The following CCDC196 variants were observed in gnomAD, a reference collection of about 807,000 sequenced individuals.
CCDC196 encodes the protein coiled-coil domain containing 196, also known as coiled-coil domain-containing protein 196.
In CCDC196 at chr14:66,486,381, A is replaced by C. The variant is rs2057398381; in HGVS notation, c.-122A>C. The C allele has an allele frequency of 1.0e-5, 4 of 397,376 alleles. No homozygotes were observed. The highest frequency in any genetic ancestry group is 1.8e-5 in the Non-Finnish European group (4 of 225,510). The allele number at this position is 397,376 out of a possible 1,614,324, so 24.6% of individuals were successfully genotyped here. ...GGCCATTGTGACCTCGCTGTAGCTA[A>C]GATCAGTCCACTGCAGCAGGAGTTT... is the stretch of plus-strand genomic sequence containing the variant. On this transcript the variant is annotated 5_prime_UTR_variant, in exon 1 of 10. Transcript: ENST00000636229.
chr14:66,494,731 CATACAGA>C (rs1594745443), intron 8 of CCDC196: 1 of 151,988 alleles, frequency 6.6e-6, no homozygotes, highest in East Asian at 1.9e-4. Context: ...ATTAGAAAGA[CATACAGA>C]ATTTTGGCCA....
In CCDC196 at chr14:66,487,082, G is replaced by A. The variant is rs886105796; in HGVS notation, c.203+273G>A. Among the ~76,000 whole-genome samples the A allele has an allele frequency of 7.2e-5, 11 of 152,122 alleles. 1 individual carries two copies. In the East Asian group the frequency reaches 1.5e-3, roughly 21 times the overall value. ...CTGCCCACCCAAGAAATAGTGAAAC[G>A]CTTTTAATAGCATTAGTTTACCACG... On this transcript the variant is annotated intron_variant, in intron 2 of 9. Coordinates refer to ENST00000636229, the MANE Select transcript of CCDC196 (RefSeq NM_001351576.1).
intron 8 of CCDC196, among the ~76,000 whole-genome samples, chr14:66,494,158 C>T (rs542974068): frequency 2.0e-5 from 3 of 152,200 alleles, no homozygotes; most frequent in Non-Finnish European, 4.4e-5. Flanking sequence ...TACTATACGG[C>T]TTAGTTACCA....
intron 8 of CCDC196, chr14:66,496,348 A>G (rs538368225): frequency 1.3e-5 from 6 of 456,160 alleles, no homozygotes; most frequent in Admixed American, 2.3e-5. Flanking sequence ...TGTAGCTGGC[A>G]AAATACAATC....
intron 4 of CCDC196, among the ~76,000 whole-genome samples, chr14:66,489,259 C>A (rs78153573): frequency 0.012 from 1,827 of 152,346 alleles, 19 homozygotes; most frequent in Non-Finnish European, 0.018. Context: ...GTGGCATAAT[C>A]TGGCTCTTGC....
At position 66,488,840 on chromosome 14, in the gene CCDC196, G is replaced by A. The variant is rs577557785; in HGVS notation, c.301-147G>A. 22 of 400,934 alleles carry A rather than the reference G, an allele frequency of 5.5e-5. No individual in the cohort carries two copies. The East Asian group carries it at 7.2e-4, about 13-fold the overall frequency. The allele number at this position is 400,934 out of a possible 1,614,324, so 24.8% of individuals were successfully genotyped here. On this transcript the variant is annotated intron_variant, in intron 3 of 9. Transcript: ENST00000636229. ...AAACATCTCTTATGCTCCTGGATTT[G>A]GGATTAGACCCATTCATTGCCTTCC...
intron 8 of CCDC196, among the ~76,000 whole-genome samples, chr14:66,497,716 T>C (rs1472573303): frequency 6.6e-6 from 1 of 152,132 alleles, no homozygotes; most frequent in Non-Finnish European, 1.5e-5. Flanking sequence ...ACGCCTACCA[T>C]TCTGTCTGCT....
At chr14:66,495,409 C>G (rs958056694) in intron 8 of CCDC196, among the ~76,000 whole-genome samples, 1 of 152,144 alleles carries the variant, frequency 6.6e-6, no homozygotes, top group African/African-American at 2.4e-5. Context: ...CACAGTGACT[C>G]TATGAAAGGT....
intron 3 of CCDC196, 90 bp from the exon 4 acceptor site, chr14:66,488,897 T>G: frequency 2.4e-6 from 1 of 412,072 alleles, no homozygotes; most frequent in Non-Finnish European, 4.4e-6. Context: ...GGACCCTTTT[T>G]CCACTATTAC....
intron 8 of CCDC196, among the ~76,000 whole-genome samples, chr14:66,497,149 T>C (rs1350243088): frequency 6.6e-6 from 1 of 152,194 alleles, no homozygotes; most frequent in Non-Finnish European, 1.5e-5. Flanking sequence ...TAAGCAGTAC[T>C]GTTGCTTTCA....
In CCDC196 at chr14:66,488,142, T is replaced by C; in HGVS notation, c.204-18T>C. The stretch of plus-strand genomic sequence containing the variant: ...TTAAGGAGGTATGTATGTTTTATGA[T>C]GCCTCTCTTTCTTCTAGTCTTCAGA... On this transcript the variant is annotated intron_variant, in intron 2 of 9. Transcript: ENST00000636229. 2.4e-6 allele frequency: 1 copy of C among 412,984 alleles called. No individual in the cohort carries two copies. Among genetic ancestry groups the C allele is most frequent in the East Asian group, 3.6e-5 (1 of 28,082 alleles). The allele number at this position is 412,984 out of a possible 1,614,324, so 25.6% of individuals were successfully genotyped here. A position where few individuals can be genotyped will look rare whatever the true frequency, so the allele number is the denominator to read the frequency against.
At chr14:66,493,140 G>A (rs1340895210) in intron 8 of CCDC196, among the ~76,000 whole-genome samples, 2 of 152,000 alleles carry the variant, frequency 1.3e-5, no homozygotes, top group African/African-American at 4.8e-5. Flanking sequence ...ATCAGTATCA[G>A]TATGTATGTT....
chr14:66,486,552 G>T lies in CCDC196; in HGVS notation c.50G>T (p.Arg17Ile). 4.8e-6 allele frequency: 2 copies of T among 412,936 alleles called. No individual in the cohort carries two copies. The allele number at this position is 412,936 out of a possible 1,614,324, so 25.6% of individuals were successfully genotyped here. A position where few individuals can be genotyped will look rare whatever the true frequency, so the allele number is the denominator to read the frequency against. Residue 17 changes from arginine (R) to isoleucine (I), a missense_variant and splice_region_variant, in exon 1 of 10, where the codon AGA (arginine) becomes ATA (isoleucine). Transcript: ENST00000636229. ...SSGSYLPSEI[R>I]SSKIDDNYLK... Reference sequence around the variant, plus strand: ...GGATCTTACCTGCCCTCAGAAATAAGGTGAGTCTTTGATGGAAAATGCTGA... The same window carrying T: ...GGATCTTACCTGCCCTCAGAAATAATGTGAGTCTTTGATGGAAAATGCTGA...
chr14:66,496,482 T>C (rs2057669528), intron 8 of CCDC196: 2 of 409,198 alleles, frequency 4.9e-6, no homozygotes, highest in African/African-American at 4.1e-5. Context: ...TCACTTAGTC[T>C]GTTTATACCT....
intron 8 of CCDC196, chr14:66,496,339 G>A (rs753545317): frequency 1.3e-5 from 6 of 456,234 alleles, no homozygotes; most frequent in South Asian, 9.3e-5. Flanking sequence ...TATGATCTGT[G>A]TAGCTGGCAA....
chr14:66,492,566 T>C (rs1427145474), intron 8 of CCDC196, among the ~76,000 whole-genome samples: 1 of 152,084 alleles, frequency 6.6e-6, no homozygotes, highest in Non-Finnish European at 1.5e-5. Context: ...GGTCTTGAAC[T>C]CCTGACCTCG....
chr14:66,488,372 C>T (rs2057458092), intron 3 of CCDC196, 116 bp downstream of exon 3: 1 of 397,636 alleles, frequency 2.5e-6, no homozygotes, highest in Non-Finnish European at 4.5e-6. Flanking sequence ...TGCTCCAACA[C>T]TCATATCTCC....
chr14:66,496,474 A>G (rs1409970915), intron 8 of CCDC196: 9 of 432,538 alleles, frequency 2.1e-5, no homozygotes, highest in Non-Finnish European at 4.2e-5. Context: ...ATGCTGCCTC[A>G]CTTAGTCTGT....
intron 2 of CCDC196, among the ~76,000 whole-genome samples, chr14:66,487,226 G>A (rs1401851367): frequency 2.0e-5 from 3 of 152,146 alleles, no homozygotes; most frequent in Admixed American, 2.0e-4. Context: ...TTAGGGCACA[G>A]CCTCTCTAAA....
Sources: allele counts gnomAD v4.1 joint callset (sites outside exome capture counted in the v4.1 genomes callset), GRCh38; gene constraint gnomAD v4.1.1; transcripts MANE v1.5; gene names NCBI Gene and HGNC (gene_info 2026-07-23, HGNC 2026-07-21).